LEPROT: variants seen among roughly 807,000 people sequenced by gnomAD.
LEPROT encodes the protein leptin receptor overlapping transcript, also known as leptin receptor gene-related protein.
LEPROT carries 3 observed loss-of-function variants against 15.4 expected under a neutral mutation model. That is an observed-to-expected ratio of 0.19 (90% CI 0.09 to 0.50). The LOEUF is 0.50. LEPROT is among the 20% of genes least tolerant of loss of function. LEPROT has a pLI of 0.97. For synonymous variants in LEPROT, 59 were observed against 57.5 expected, an observed-to-expected ratio of 1.03 and a Z score of -0.12; for missense variants, 137 against 162.2, an observed-to-expected ratio of 0.84 and a Z score of 0.84.
Position 65,435,064 on chromosome 1 carries a change from G to C in LEPROT, c.*3145G>C, listed in dbSNP as rs1164302826. ...CTCATTCACAGAGAATGGGAGAACGGAATGAAGAAAGATTCCAGCAGCTTA... is the reference window on the plus strand; with the variant it reads ...CTCATTCACAGAGAATGGGAGAACGCAATGAAGAAAGATTCCAGCAGCTTA... On this transcript the variant is annotated 3_prime_UTR_variant, in exon 4 of 4. Transcript: ENST00000371065. 1.0e-6 allele frequency: 1 copy of C among 985,306 alleles called. No individual in the cohort carries two copies. Among genetic ancestry groups the C allele is most frequent in the African/African-American group, 1.7e-5 (1 of 57,224 alleles). 61.0% of individuals were successfully genotyped at this position (985,306 alleles called of 1,614,324 possible).
At chr1:65,430,113 G>C in intron 3 of LEPROT, 65 bp downstream of exon 3, 1 of 1,357,816 alleles carries the variant, frequency 7.4e-7, no homozygotes, top group South Asian at 1.7e-5. Context: ...CCTGTGTCTG[G>C]GACCTCCATT....
chr1:65,420,730 G>A lies in LEPROT; in HGVS notation c.6G>A (p.Ala2=), dbSNP rs763273103. The A allele has an allele frequency of 6.3e-7, 1 of 1,583,022 alleles. No homozygotes were observed. The highest frequency in any genetic ancestry group is 2.3e-5 in the East Asian group (1 of 43,336). The part of the protein sequence containing the change: M[A]GVKALVALSF... ...GCGGCCCCAGTTCGGGAGACATGGC[G>A]GGCGTTAAAGGTACATCGCGGTCCC... The change falls in exon 1 of 4, where the codon GCG becomes GCA. Residue 2 remains alanine, a synonymous_variant. Transcript: ENST00000371065.
At chr1:65,430,407 C>T (rs1420145478) in intron 3 of LEPROT, 1 of 162,050 alleles carries the variant, frequency 6.2e-6, no homozygotes, top group Non-Finnish European at 1.3e-5. Flanking sequence ...AATTCTTCTC[C>T]TGCAAATGGG....
At position 65,421,205 on chromosome 1, in the gene LEPROT, G is replaced by C. The variant is rs1311504536; in HGVS notation, c.16+465G>C. 2.9e-6 allele frequency: 3 copies of C among 1,038,346 alleles called. No homozygotes were observed. In the African/African-American group the frequency reaches 4.8e-5, roughly 17 times the overall value. The allele number at this position is 1,038,346 out of a possible 1,614,324, so 64.3% of individuals were successfully genotyped here. A position where few individuals can be genotyped will look rare whatever the true frequency, so the allele number is the denominator to read the frequency against. ...CTAATGATTTTTCCAACTGGGCAGA[G>C]TTGACCGCGGGCGGGTGTCAATGGA... On this transcript the variant is annotated intron_variant, in intron 1 of 3. Transcript: ENST00000371065.
Position 65,434,857 on chromosome 1 carries a change from C to G in LEPROT, c.*2938C>G, listed in dbSNP as rs1281335639. On this transcript the variant is annotated 3_prime_UTR_variant, in exon 4 of 4. Transcript: ENST00000371065. ...CCTTCTCCTCCCATTAGTCAGTTCT[C>G]TAAGTACAGCTGATGTCATGTGGTG... The G allele has an allele frequency of 7.1e-6, 7 of 985,470 alleles. No homozygotes were observed. Among genetic ancestry groups the G allele is most frequent in the South Asian group, 4.7e-5 (1 of 21,284 alleles). 61.0% of individuals were successfully genotyped at this position (985,470 alleles called of 1,614,324 possible).
Position 65,433,312 on chromosome 1 carries a change from C to T in LEPROT, c.*1393C>T, listed in dbSNP as rs1490220983. On this transcript the variant is annotated 3_prime_UTR_variant, in exon 4 of 4. Transcript: ENST00000371065. Reference sequence around the variant, plus strand: ...ACGTGTTGATGTACTTGTCTTCCGTCCTGTAGGTCTTTTCTATATAACTTT... The same window carrying T: ...ACGTGTTGATGTACTTGTCTTCCGTTCTGTAGGTCTTTTCTATATAACTTT... 2.0e-6 allele frequency: 2 copies of T among 985,282 alleles called. No homozygotes were observed. Among genetic ancestry groups the T allele is most frequent in the Non-Finnish European group, 2.4e-6 (2 of 829,934 alleles). The allele number at this position is 985,282 out of a possible 1,614,324, so 61.0% of individuals were successfully genotyped here.
chr1:65,425,161 A>C, intron 1 of LEPROT, 142 bp from the exon 2 acceptor site: 4 of 655,766 alleles, frequency 6.1e-6, no homozygotes, highest in Non-Finnish European at 1.1e-5. Flanking sequence ...TGCAGCCATC[A>C]CTACTATCTA....
At chr1:65,427,385 G>C (rs1013553387) in intron 2 of LEPROT, among the ~76,000 whole-genome samples, 2 of 152,064 alleles carry the variant, frequency 1.3e-5, no homozygotes, top group Admixed American at 6.6e-5. Context: ...ACCAGTCTGG[G>C]CAACAAAGTG....
intron 2 of LEPROT, among the ~76,000 whole-genome samples, chr1:65,426,564 G>T (rs930378224): frequency 1.3e-5 from 2 of 152,088 alleles, no homozygotes; most frequent in African/African-American, 4.8e-5. Context: ...GAGGGCTGGG[G>T]CAGTAGGAAT....
chr1:65,425,510 C>T (rs1259411624), intron 2 of LEPROT, 132 bp downstream of exon 2: 2 of 664,574 alleles, frequency 3.0e-6, no homozygotes, highest in Non-Finnish European at 4.9e-6. Context: ...TTTATGAACA[C>T]AGTCCCTTTG....
At chr1:65,429,264 G>A (rs951356687) in intron 2 of LEPROT, among the ~76,000 whole-genome samples, 4 of 152,158 alleles carry the variant, frequency 2.6e-5, no homozygotes, top group Admixed American at 2.0e-4. Context: ...GACATTGCAA[G>A]CAGGGGGCAC....
At chr1:65,429,794 A>C in intron 2 of LEPROT, 68 bp from the exon 3 acceptor site, 2 of 1,233,308 alleles carry the variant, frequency 1.6e-6, no homozygotes, top group South Asian at 2.3e-5. Context: ...TTGAAATAGT[A>C]GTATGTCTTT....
rs1044114743 is a variant in LEPROT at position 65,432,814 on chromosome 1, G to A, written c.*895G>A. The A allele has an allele frequency of 7.1e-6, 4 of 564,416 alleles. No individual in the cohort carries two copies. Among genetic ancestry groups the A allele is most frequent in the African/African-American group, 6.1e-5 (3 of 48,890 alleles). The allele number at this position is 564,416 out of a possible 1,614,324, so 35.0% of individuals were successfully genotyped here. Reference sequence around the variant, plus strand: ...ATTGCTAAGAGAGTAAATTTCTAATGTTCTCATAAAAAAGTTAAATATTTG... The same window carrying A: ...ATTGCTAAGAGAGTAAATTTCTAATATTCTCATAAAAAAGTTAAATATTTG... On this transcript the variant is annotated 3_prime_UTR_variant, in exon 4 of 4. Transcript: ENST00000371065.
At position 65,435,584 on chromosome 1, in the gene LEPROT, G is replaced by T. The variant is rs1159275724; in HGVS notation, c.*3665G>T. 10 of 564,966 alleles carry T rather than the reference G, an allele frequency of 1.8e-5. No individual in the cohort carries two copies. The highest frequency in any genetic ancestry group is 2.2e-5 in the Non-Finnish European group (10 of 445,884). 35.0% of individuals were successfully genotyped at this position (564,966 alleles called of 1,614,324 possible). The stretch of plus-strand genomic sequence containing the variant: ...GGGTTTCATCGTGTTAGCCAGGATG[G>T]TCTCGATCTCCTGACCTCATGATCC... On this transcript the variant is annotated 3_prime_UTR_variant, in exon 4 of 4. Coordinates refer to ENST00000371065, the MANE Select transcript of LEPROT (RefSeq NM_017526.5).
At chr1:65,423,661 AAC>A (rs1405483599) in intron 1 of LEPROT, among the ~76,000 whole-genome samples, 5 of 151,976 alleles carry the variant, frequency 3.3e-5, no homozygotes, top group African/African-American at 1.2e-4. Flanking sequence ...TTTGTCCCTT[AAC>A]ATGTGTATAC....
Position 65,429,969 on chromosome 1 carries a change from G to A in LEPROT, c.200G>A (p.Arg67Gln), listed in dbSNP as rs758089455. ...YDSDATSSAC[R>Q]ELAYFFTTGI... ...TCAGATGCAACCAGTAGTGCCTGTC[G>A]GGAACTGGCATATTTCTTCACTACT... The change falls in exon 3 of 4, where the codon CGG (arginine) becomes CAG (glutamine). Residue 67 changes from arginine (R) to glutamine (Q), a missense_variant. Arg to Gln is a conservative substitution (Grantham distance 43, BLOSUM62 1). Transcript: ENST00000371065. 23 of 1,578,350 alleles carry A rather than the reference G, an allele frequency of 1.5e-5. No individual in the cohort carries two copies. The highest frequency in any genetic ancestry group is 1.2e-4 in the Admixed American group (7 of 59,398).
chr1:65,432,122 A>T lies in LEPROT; in HGVS notation c.*203A>T. 1 of 1,258,094 alleles carries T rather than the reference A, an allele frequency of 7.9e-7. No individual in the cohort carries two copies. The allele number at this position is 1,258,094 out of a possible 1,614,324, so 77.9% of individuals were successfully genotyped here. A position where few individuals can be genotyped will look rare whatever the true frequency, so the allele number is the denominator to read the frequency against. ...AGACCTGTCAAATTTAGATTATGTTACTCAAATTATGTTACTTGTTTGGCT... is the reference window on the plus strand; with the variant it reads ...AGACCTGTCAAATTTAGATTATGTTTCTCAAATTATGTTACTTGTTTGGCT... On this transcript the variant is annotated 3_prime_UTR_variant, in exon 4 of 4. Transcript: ENST00000371065.
rs574956662 is a variant in LEPROT, at chr1:65,433,245, G to A, written c.*1326G>A. 3.8e-4 allele frequency: 370 copies of A among 985,372 alleles called. No homozygotes were observed. In the African/African-American group the frequency reaches 5.5e-3, roughly 15 times the overall value. The allele number at this position is 985,372 out of a possible 1,614,324, so 61.0% of individuals were successfully genotyped here. On this transcript the variant is annotated 3_prime_UTR_variant, in exon 4 of 4. Transcript: ENST00000371065. ...CTGGCTTCTTCCCGAAGAGATATAG[G>A]AGCCATGTAAGCACGCAGTGGGTGA...
At chr1:65,424,160 C>G (rs181942745) in intron 1 of LEPROT, among the ~76,000 whole-genome samples, 1 of 151,544 alleles carries the variant, frequency 6.6e-6, no homozygotes, top group African/African-American at 2.5e-5. Flanking sequence ...AGCAGCACAA[C>G]AAGGGCAAAT....
Sources: gnomAD v4.1 joint callset for allele counts (sites outside exome capture counted in the v4.1 genomes callset) on GRCh38, gnomAD v4.1.1 for gene constraint, MANE v1.5 for transcripts, NCBI Gene and HGNC (gene_info 2026-07-23, HGNC 2026-07-21) for gene names.